SYNJ1: variants seen among roughly 807,000 people sequenced by gnomAD.
SYNJ1 encodes the protein polyphosphatidylinositol phosphatase SYNJ1.
SYNJ1 carries 78 observed loss-of-function variants against 168.2 expected under a neutral mutation model. That is an observed-to-expected ratio of 0.46 (90% confidence interval 0.39 to 0.56). The LOEUF (loss-of-function observed/expected upper bound fraction) is 0.56, where lower values mean the gene tolerates loss of function less well. Among genes scored for constraint, SYNJ1 ranks in the 20% least tolerant of loss-of-function variants. SYNJ1 has a pLI of 0.00. For synonymous variants in SYNJ1, 539 were observed against 548.6 expected (o/e 0.98, Z 0.24); for missense variants, 1,303 against 1,597.6 (o/e 0.82, Z 3.14).
chr21:32,694,339 T>C, intron 5 of SYNJ1, 28 bp from the exon 6 acceptor site: 1 of 1,506,596 alleles, frequency 6.6e-7, no homozygotes, highest in Non-Finnish European at 8.9e-7. Flanking sequence ...ATATGTAAAC[T>C]ATTTCCACAG....
intron 18 of SYNJ1, among the ~76,000 whole-genome samples, chr21:32,659,746 C>G (rs1003381546): frequency 6.6e-6 from 1 of 152,182 alleles, no homozygotes; most frequent in Non-Finnish European, 1.5e-5. Context: ...GCAAGTCTGC[C>G]GATGCTCCCA....
chr21:32,672,099 AAAAG>A (rs1169507920), intron 14 of SYNJ1, among the ~76,000 whole-genome samples: 3 of 149,786 alleles, frequency 2.0e-5, no homozygotes, highest in African/African-American at 7.3e-5. Context: ...AAGAAAAAGA[AAAAG>A]AAAAGAAAGA....
At chr21:32,716,042 T>C (rs565741581) in intron 2 of SYNJ1, among the ~76,000 whole-genome samples, 8 of 152,348 alleles carry the variant, frequency 5.3e-5, no homozygotes, top group Non-Finnish European at 7.4e-5. Flanking sequence ...ATGGCTTATA[T>C]TTATAAACTC....
intron 16 of SYNJ1, 54 bp from the exon 17 acceptor site, chr21:32,666,189 G>C (rs2145924392): frequency 1.3e-6 from 2 of 1,545,012 alleles, no homozygotes; most frequent in African/African-American, 2.8e-5. Flanking sequence ...AGTTCCATGT[G>C]CATAGGAAAT....
intron 4 of SYNJ1, among the ~76,000 whole-genome samples, chr21:32,696,474 C>T (rs56087024): frequency 0.032 from 4,812 of 152,256 alleles, 103 homozygotes; most frequent in East Asian, 0.075. Flanking sequence ...GGGATCTCTC[C>T]TGGAACCTTA....
Position 32,681,643 on chromosome 21 carries a change from T to C in SYNJ1, c.1206A>G (p.Leu402=). Residue 402 remains leucine (L), a synonymous_variant, in exon 11 of 33, where the codon CTA becomes CTG. Coordinates refer to ENST00000674351, the MANE Select transcript of SYNJ1 (RefSeq NM_203446.3). ...AACCAAGAGCTTCCAACTGTTTAGC[T>C]AGCATCTTAAAAAGCAAACAAGAAA... The part of the protein sequence containing the change: ...SVQAFLGLEM[L]AKQLEALGLA... 1 of 1,607,386 alleles carries C rather than the reference T, an allele frequency of 6.2e-7. No individual in the cohort carries two copies. Among genetic ancestry groups the C allele is most frequent in the Non-Finnish European group, 8.5e-7 (1 of 1,177,874 alleles).
chr21:32,727,695 C>G (rs899994957), intron 1 of SYNJ1: 17 of 716,570 alleles, frequency 2.4e-5, no homozygotes, highest in Non-Finnish European at 3.6e-5. Flanking sequence ...GGCGCCCAGG[C>G]GGATTCGGTT....
Position 32,665,938 on chromosome 21 carries a change from C to G in SYNJ1, c.2145+5G>C, listed in dbSNP as rs2040912561. On this transcript the variant is annotated splice_donor_5th_base_variant and intron_variant, in intron 17 of 32. Coordinates refer to ENST00000674351, the MANE Select transcript of SYNJ1 (RefSeq NM_203446.3). Reference sequence around the variant, plus strand: ...TATCTTCAAGAACAAGCAGCAAGAGCTTACCATAGGAAAACTCAATTTTCG... The same window carrying G: ...TATCTTCAAGAACAAGCAGCAAGAGGTTACCATAGGAAAACTCAATTTTCG... 6.3e-7 allele frequency: 1 copy of G among 1,596,500 alleles called. No homozygotes were observed. The highest frequency in any genetic ancestry group is 8.5e-7 in the Non-Finnish European group (1 of 1,170,664).
chr21:32,677,445 C>A (rs546146961), intron 12 of SYNJ1, among the ~76,000 whole-genome samples: 1 of 151,986 alleles, frequency 6.6e-6, no homozygotes, highest in African/African-American at 2.4e-5. Flanking sequence ...TAGTAAAATG[C>A]GCAGGAAACT....
intron 2 of SYNJ1, among the ~76,000 whole-genome samples, 191 bp downstream of exon 2, chr21:32,726,581 C>CCCCTCAACATT (rs1482411461): frequency 6.6e-6 from 1 of 152,128 alleles, no homozygotes; most frequent in East Asian, 1.9e-4. Flanking sequence ...CTCCCTGCAC[C>CCCCTCAACATT]CCCTCAACAA....
chr21:32,706,676 G>C (rs1295057756), intron 2 of SYNJ1, among the ~76,000 whole-genome samples: 1 of 151,832 alleles, frequency 6.6e-6, no homozygotes, highest in East Asian at 1.9e-4. Flanking sequence ...CGTTAATAAG[G>C]TAAACTCTTC....
chr21:32,645,847 A>T, intron 24 of SYNJ1, 58 bp from the exon 25 acceptor site: 2 of 1,526,174 alleles, frequency 1.3e-6, no homozygotes, highest in Non-Finnish European at 1.8e-6. Context: ...GACAGAAGGG[A>T]ACAGTCCTTC....
At chr21:32,683,156 C>T (rs1398025725) in intron 10 of SYNJ1, among the ~76,000 whole-genome samples, 2 of 151,986 alleles carry the variant, frequency 1.3e-5, no homozygotes, top group Non-Finnish European at 2.9e-5. Flanking sequence ...CTTCCTATTG[C>T]TGTTTTTTTA....
intron 32 of SYNJ1, among the ~76,000 whole-genome samples, chr21:32,632,220 G>A (rs915634438): frequency 6.6e-6 from 1 of 151,962 alleles, no homozygotes; most frequent in African/African-American, 2.4e-5. Context: ...ATGATGATGT[G>A]GTTTCATTGT....
chr21:32,713,464 A>G (rs1298609441), intron 2 of SYNJ1, among the ~76,000 whole-genome samples: 2 of 118,380 alleles, frequency 1.7e-5, no homozygotes, highest in Non-Finnish European at 3.5e-5. Context: ...ATGATTTCCC[A>G]TATGTCAACA....
chr21:32,708,828 G>A (rs569724172), intron 2 of SYNJ1, among the ~76,000 whole-genome samples: 56 of 150,166 alleles, frequency 3.7e-4, no homozygotes, highest in African/African-American at 1.3e-3. Context: ...GGCCCAAAAA[G>A]AATCATTTTG....
At chr21:32,650,377 A>G in intron 22 of SYNJ1, 31 bp from the exon 23 acceptor site, 1 of 1,567,906 alleles carries the variant, frequency 6.4e-7, no homozygotes, top group Non-Finnish European at 8.6e-7. Flanking sequence ...TAAAATAAAG[A>G]TTAACATGAA....
intron 30 of SYNJ1, 44 bp from the exon 31 acceptor site, chr21:32,639,169 AC>A (rs1446138611): frequency 2.6e-6 from 4 of 1,538,404 alleles, no homozygotes; most frequent in Non-Finnish European, 3.5e-6. Flanking sequence ...ATTCTAGAAA[AC>A]CATGTTTTTT....
intron 2 of SYNJ1, among the ~76,000 whole-genome samples, chr21:32,710,469 T>C (rs908398360): frequency 1.3e-5 from 2 of 152,276 alleles, no homozygotes; most frequent in African/African-American, 4.8e-5. Flanking sequence ...AGAGAAGAAC[T>C]TTTCTCTAAT....
Sources: gnomAD v4.1 joint callset for allele counts (sites outside exome capture counted in the v4.1 genomes callset) on GRCh38, gnomAD v4.1.1 for gene constraint, MANE v1.5 for transcripts, NCBI Gene and HGNC (gene_info 2026-07-23, HGNC 2026-07-21) for gene names.